TRIO: variants seen among roughly 807,000 people sequenced by gnomAD.
TRIO encodes trio Rho guanine nucleotide exchange factor.
In TRIO, 58 loss-of-function variants were observed where a neutral mutation model predicts 351.9. That is an observed-to-expected ratio of 0.16 (90% CI 0.13 to 0.21). The LOEUF (loss-of-function observed/expected upper bound fraction) is 0.21, where lower values mean the gene tolerates loss of function less well. Ranked by LOEUF, TRIO falls within the 10% of genes least tolerant of loss-of-function variation. The pLI is 1.00. For missense variants in TRIO, 3,201 were observed against 4,027.8 expected (o/e 0.79, Z 5.56); for synonymous variants, 1,758 against 1,595.7 (o/e 1.10, Z -2.42).
Position 14,497,910 on chromosome 5 carries a change from G to T in TRIO, c.8047+36G>T, listed in dbSNP as rs779358794. 4.3e-6 allele frequency: 7 copies of T among 1,613,964 alleles called. No individual in the cohort carries two copies. The South Asian group carries it at 6.6e-5, about 15-fold the overall frequency. On this transcript the variant is annotated intron_variant, in intron 51 of 56. Transcript: ENST00000344204. The surrounding 1 kb of genome is among the most constrained non-coding windows in gnomAD (Gnocchi z 4.4). ...TTCTTTTTCTTCTAGTCCTAGAGAT[G>T]ATTCTAGACCTGTGGGGCATGTTTC...
At chr5:14,221,260 A>G (rs961040885) in intron 1 of TRIO, among the ~76,000 whole-genome samples, 1 of 152,170 alleles carries the variant, frequency 6.6e-6, no homozygotes, top group Non-Finnish European at 1.5e-5. Flanking sequence ...ATGCTCATTG[A>G]CAATACACCT....
At chr5:14,276,207 G>C (rs1735507053) in intron 2 of TRIO, among the ~76,000 whole-genome samples, 1 of 152,204 alleles carries the variant, frequency 6.6e-6, no homozygotes, top group South Asian at 2.1e-4. Flanking sequence ...CATTTCCCCG[G>C]AAGAGAAGGG....
At chr5:14,151,014 T>G (rs1486417164) in intron 1 of TRIO, among the ~76,000 whole-genome samples, 1 of 152,198 alleles carries the variant, frequency 6.6e-6, no homozygotes, top group Non-Finnish European at 1.5e-5. Context: ...CTCCCATGAT[T>G]TGTGCTGCTG....
intron 34 of TRIO, among the ~76,000 whole-genome samples, chr5:14,458,041 C>CTT (rs150710417): frequency 8.7e-5 from 12 of 137,820 alleles, no homozygotes; most frequent in South Asian, 4.6e-4. Flanking sequence ...GGGCCTGGGT[C>CTT]TTTTTTTTTT....
intron 1 of TRIO, among the ~76,000 whole-genome samples, chr5:14,155,484 A>G (rs182094290): frequency 1.3e-5 from 2 of 152,292 alleles, no homozygotes; most frequent in Admixed American, 6.5e-5. Flanking sequence ...TAAAAAAATT[A>G]TGGTCCAGGA....
In TRIO at chr5:14,374,354, C is replaced by T. The variant is rs201061391; in HGVS notation, c.3331+11C>T. 1 of 1,608,576 alleles carries T rather than the reference C, an allele frequency of 6.2e-7. No individual in the cohort carries two copies. Among genetic ancestry groups the T allele is most frequent in the East Asian group, 2.2e-5 (1 of 44,668 alleles). On this transcript the variant is annotated intron_variant, in intron 19 of 56. Transcript: ENST00000344204. ...AACAGCAAGTGAAAAGTGAGTAGAG[C>T]TGGGAGTCTCCAGGGGTGGCCCAGT...
At chr5:14,382,303 A>C (rs189224896) in intron 21 of TRIO, among the ~76,000 whole-genome samples, 2 of 152,222 alleles carry the variant, frequency 1.3e-5, no homozygotes, top group Admixed American at 1.3e-4. Flanking sequence ...TATTATATTT[A>C]TTTGTCCATG....
chr5:14,195,771 A>G (rs1790733604), intron 1 of TRIO, among the ~76,000 whole-genome samples: 1 of 152,156 alleles, frequency 6.6e-6, no homozygotes, highest in Non-Finnish European at 1.5e-5. Context: ...ATCTGTTATT[A>G]TCATGATTGA....
At chr5:14,173,259 G>A (rs1789211326) in intron 1 of TRIO, among the ~76,000 whole-genome samples, 1 of 144,168 alleles carries the variant, frequency 6.9e-6, no homozygotes. Context: ...AACACAGGCT[G>A]GAGTGCAGTG....
chr5:14,213,688 A>AAAATTTTGT (rs1792050186), intron 1 of TRIO, among the ~76,000 whole-genome samples: 1 of 152,248 alleles, frequency 6.6e-6, no homozygotes, highest in Non-Finnish European at 1.5e-5. Context: ...AAAGTCAGGG[A>AAAATTTTGT]AAATTTTGTA....
intron 6 of TRIO, among the ~76,000 whole-genome samples, chr5:14,295,296 T>G (rs911105357): frequency 6.6e-6 from 1 of 152,228 alleles, no homozygotes; most frequent in Non-Finnish European, 1.5e-5. Flanking sequence ...TTATAAAAAC[T>G]ATGATGATAA....
intron 33 of TRIO, among the ~76,000 whole-genome samples, chr5:14,417,004 C>T (rs1003313858): frequency 2.0e-5 from 3 of 152,200 alleles, no homozygotes; most frequent in African/African-American, 7.2e-5. Context: ...GTCCAAGGGG[C>T]CATGGCAATC....
chr5:14,178,209 G>A (rs1201131595), intron 1 of TRIO, among the ~76,000 whole-genome samples: 2 of 152,174 alleles, frequency 1.3e-5, no homozygotes, highest in Non-Finnish European at 2.9e-5. Context: ...AGAGTTGTAC[G>A]TGTGGTCCTA....
At chr5:14,455,031 G>C (rs1041958216) in intron 34 of TRIO, among the ~76,000 whole-genome samples, 1 of 151,958 alleles carries the variant, frequency 6.6e-6, no homozygotes, top group Non-Finnish European at 1.5e-5. Context: ...CGGTGGGTTC[G>C]TGGTCTCGCT....
intron 1 of TRIO, among the ~76,000 whole-genome samples, chr5:14,201,257 T>C (rs1791090259): frequency 6.6e-6 from 1 of 152,128 alleles, no homozygotes; most frequent in South Asian, 2.1e-4. Flanking sequence ...CGAAACTCCA[T>C]CTCAAAAAAT....
chr5:14,291,643 G>A (rs921328540), intron 5 of TRIO, among the ~76,000 whole-genome samples: 1 of 151,718 alleles, frequency 6.6e-6, no homozygotes, highest in African/African-American at 2.4e-5. Context: ...ACGAAAATTA[G>A]CCGGGTGTGG....
chr5:14,298,264 C>G (rs1453371399), intron 7 of TRIO, among the ~76,000 whole-genome samples: 2 of 152,168 alleles, frequency 1.3e-5, no homozygotes, highest in Non-Finnish European at 2.9e-5. Context: ...CTTGCTTAAA[C>G]AAACGCTCTG....
At chr5:14,226,344 T>G (rs1416362269) in intron 1 of TRIO, among the ~76,000 whole-genome samples, 1 of 152,230 alleles carries the variant, frequency 6.6e-6, no homozygotes, top group Non-Finnish European at 1.5e-5. Context: ...CAAGCCCTGC[T>G]AGCGCAGCTG....
intron 8 of TRIO, among the ~76,000 whole-genome samples, chr5:14,308,113 G>A (rs1738534882): frequency 6.6e-6 from 1 of 152,106 alleles, no homozygotes; most frequent in African/African-American, 2.4e-5. Flanking sequence ...GTATTGTATG[G>A]TGTTTAGAAT....
Sources: gnomAD v4.1 joint callset for allele counts (sites outside exome capture counted in the v4.1 genomes callset) on GRCh38, gnomAD v4.1.1 for gene constraint, Gnocchi (gnomAD v3.1) non-coding constraint, MANE v1.5 for transcripts, NCBI Gene and HGNC (gene_info 2026-07-23, HGNC 2026-07-21) for gene names.